PRKAR1B: variants seen among roughly 807,000 people sequenced by gnomAD.
PRKAR1B encodes the protein cAMP-dependent protein kinase type I-beta regulatory subunit.
In PRKAR1B, 22 loss-of-function variants were observed where a neutral mutation model predicts 46.5. That is an observed-to-expected ratio of 0.47 (90% CI 0.34 to 0.68). The LOEUF (loss-of-function observed/expected upper bound fraction) is 0.68, where lower values mean the gene tolerates loss of function less well. Among genes scored for constraint, PRKAR1B ranks in the 30% least tolerant of loss-of-function variants. PRKAR1B has a pLI of 0.01. For synonymous variants in PRKAR1B, 259 were observed against 217.7 expected, an observed-to-expected ratio of 1.19 and a Z score of -1.67; for missense variants, 445 against 535.6, an observed-to-expected ratio of 0.83 and a Z score of 1.67.
chr7:572,220 C>G (rs543450658), intron 9 of PRKAR1B, among the ~76,000 whole-genome samples: 39 of 152,350 alleles, frequency 2.6e-4, no homozygotes, highest in Middle Eastern at 3.4e-3. Flanking sequence ...ATCTCCATGT[C>G]TGCAGCTCCC....
At chr7:695,628 C>T (rs1779688759) in intron 2 of PRKAR1B, among the ~76,000 whole-genome samples, 1 of 152,032 alleles carries the variant, frequency 6.6e-6, no homozygotes, top group Non-Finnish European at 1.5e-5. Context: ...GTGCCTCAGC[C>T]AGCCACCGGT....
intron 9 of PRKAR1B, among the ~76,000 whole-genome samples, chr7:571,701 G>A (rs777703421): frequency 3.3e-5 from 5 of 152,272 alleles, no homozygotes; most frequent in South Asian, 2.1e-4. Flanking sequence ...GGAGGTCTCC[G>A]GGAGGGGAAC....
At chr7:651,598 C>T (rs1296821642) in intron 4 of PRKAR1B, among the ~76,000 whole-genome samples, 14 of 152,178 alleles carry the variant, frequency 9.2e-5, no homozygotes, top group Admixed American at 5.9e-4. Context: ...TGCTAGGAAC[C>T]TGGGAAACCC....
At chr7:563,708 ATG>A (rs372307127) in intron 9 of PRKAR1B, among the ~76,000 whole-genome samples, 14 of 151,222 alleles carry the variant, frequency 9.3e-5, no homozygotes, top group African/African-American at 2.7e-4. Context: ...CGGTGTGTGC[ATG>A]TGTGTGTGTG....
chr7:573,670 C>T (rs1272863928), intron 9 of PRKAR1B, among the ~76,000 whole-genome samples: 1 of 152,222 alleles, frequency 6.6e-6, no homozygotes, highest in Non-Finnish European at 1.5e-5. Context: ...CTGGCTCCCA[C>T]AGCCCGCAAA....
intron 9 of PRKAR1B, among the ~76,000 whole-genome samples, chr7:576,127 G>A (rs569749971): frequency 3.4e-4 from 48 of 142,848 alleles, no homozygotes; most frequent in Non-Finnish European, 6.2e-4. Flanking sequence ...GCACACGGGC[G>A]GGCGTGCACG....
intron 9 of PRKAR1B, chr7:578,682 CTT>C (rs67281859): frequency 0.21 from 29,840 of 141,712 alleles, 3,366 homozygotes; most frequent in African/African-American, 0.32. Context: ...TTTTATTTTA[CTT>C]TTTTTTTTTT....
chr7:695,378 T>C (rs987476896), intron 2 of PRKAR1B, among the ~76,000 whole-genome samples: 2 of 151,710 alleles, frequency 1.3e-5, no homozygotes, highest in Non-Finnish European at 2.9e-5. Flanking sequence ...GAAAAGAAAA[T>C]ATCTGGGCGG....
At chr7:583,578 ACTTG>A (rs1780398377) in intron 8 of PRKAR1B, among the ~76,000 whole-genome samples, 4 of 60,114 alleles carry the variant, frequency 6.7e-5, no homozygotes, top group African/African-American at 2.4e-4. Flanking sequence ...ATGCACACAC[ACTTG>A]CACACTCCCA....
chr7:590,094 C>T (rs1780889907), intron 7 of PRKAR1B, among the ~76,000 whole-genome samples: 1 of 152,216 alleles, frequency 6.6e-6, no homozygotes, highest in South Asian at 2.1e-4. Context: ...CCCTGCCTCC[C>T]CCGGTGCCTG....
intron 4 of PRKAR1B, among the ~76,000 whole-genome samples, chr7:659,650 C>T (rs1427365694): frequency 6.6e-6 from 1 of 152,222 alleles, no homozygotes; most frequent in African/African-American, 2.4e-5. Context: ...ACCGGCAGGA[C>T]AGCAAGAGGC....
At chr7:563,887 A>ATGTGCATGTGTGCACACG (rs1269512783) in intron 9 of PRKAR1B, among the ~76,000 whole-genome samples, 2 of 150,190 alleles carry the variant, frequency 1.3e-5, no homozygotes, top group East Asian at 4.0e-4. Context: ...GGGTGTGTAT[A>ATGTGCATGTGTGCACACG]TGTGCATGTG....
At chr7:584,770 G>A (rs1012472640) in intron 7 of PRKAR1B, among the ~76,000 whole-genome samples, 1 of 152,134 alleles carries the variant, frequency 6.6e-6, no homozygotes, top group African/African-American at 2.4e-5. Flanking sequence ...CTCCCGGGGG[G>A]CTTCTGGAGA....
chr7:715,444 CTGACGTG>C (rs1780838188), intron 1 of PRKAR1B, among the ~76,000 whole-genome samples: 1 of 152,118 alleles, frequency 6.6e-6, no homozygotes, highest in Non-Finnish European at 1.5e-5. Flanking sequence ...GTGACAAACC[CTGACGTG>C]TGACACTGTG....
At chr7:621,938 C>T (rs962972613) in intron 4 of PRKAR1B, among the ~76,000 whole-genome samples, 1 of 152,268 alleles carries the variant, frequency 6.6e-6, no homozygotes, top group African/African-American at 2.4e-5. Context: ...GCCGCTCCCC[C>T]AGTGCTGCTA....
At chr7:715,906 G>T (rs901927646) in intron 1 of PRKAR1B, among the ~76,000 whole-genome samples, 5 of 152,092 alleles carry the variant, frequency 3.3e-5, no homozygotes, top group East Asian at 3.9e-4. Context: ...TAGTAGAGAT[G>T]GGGTTTCACC....
intron 4 of PRKAR1B, among the ~76,000 whole-genome samples, chr7:620,034 T>TC (rs1159881058): frequency 6.6e-6 from 1 of 151,062 alleles, no homozygotes; most frequent in East Asian, 1.9e-4. Context: ...TTTTTTTTTT[T>TC]TTAGAGATGG....
At chr7:606,047 T>C (rs1231582321) in intron 6 of PRKAR1B, 146 bp downstream of exon 6, 2 of 718,454 alleles carry the variant, frequency 2.8e-6, no homozygotes, top group South Asian at 1.8e-5. Flanking sequence ...TTCCAAGAGA[T>C]AGCAGTTGCA....
At chr7:640,761 C>T (rs957706828) in intron 4 of PRKAR1B, among the ~76,000 whole-genome samples, 2 of 132,856 alleles carry the variant, frequency 1.5e-5, no homozygotes, top group Non-Finnish European at 1.6e-5. Context: ...AAAACTCTGT[C>T]TCAAACACAC....
Sources: gnomAD v4.1 joint callset for allele counts (sites outside exome capture counted in the v4.1 genomes callset) on GRCh38, gnomAD v4.1.1 for gene constraint, MANE v1.5 for transcripts, NCBI Gene and HGNC (gene_info 2026-07-23, HGNC 2026-07-21) for gene names.